GALNT8: variants seen among roughly 807,000 people sequenced by gnomAD.
The protein encoded by GALNT8 is polypeptide N-acetylgalactosaminyltransferase 8.
A neutral mutation model predicts 62.7 loss-of-function variants in GALNT8; 66 were observed. The observed-to-expected ratio is 1.05, with a 90% CI of 0.86 to 1.29. GALNT8 has a LOEUF of 1.29. Among genes scored for constraint, GALNT8 ranks in the 50% most tolerant of loss-of-function variants. The pLI is 0.00. For missense variants in GALNT8, 771 were observed against 791.8 expected (o/e 0.97, Z 0.32); for synonymous variants, 288 against 294.3 (o/e 0.98, Z 0.22).
chr12:4,743,132 T>G (rs899246234), intron 3 of GALNT8, among the ~76,000 whole-genome samples: 3 of 152,216 alleles, frequency 2.0e-5, no homozygotes, highest in Non-Finnish European at 2.9e-5. Flanking sequence ...ATTACAGGCA[T>G]GAGCCACCAT....
intron 2 of GALNT8, among the ~76,000 whole-genome samples, chr12:4,733,892 G>A (rs968479975): frequency 4.6e-5 from 7 of 152,168 alleles, no homozygotes; most frequent in African/African-American, 1.7e-4. Flanking sequence ...GGAATTCCAT[G>A]GGGTGACTCA....
chr12:4,762,366 T>TA (rs1195641165), intron 7 of GALNT8, among the ~76,000 whole-genome samples: 1 of 152,238 alleles, frequency 6.6e-6, no homozygotes, highest in Non-Finnish European at 1.5e-5. Flanking sequence ...AGAGGGCAGA[T>TA]ACACAAGTGG....
At chr12:4,725,732 T>C (rs1293681515) in intron 1 of GALNT8, among the ~76,000 whole-genome samples, 1 of 151,936 alleles carries the variant, frequency 6.6e-6, no homozygotes, top group East Asian at 1.9e-4. Context: ...ATTTTTGTAT[T>C]TTTAGTAGAG....
chr12:4,764,138 G>A lies in GALNT8; in HGVS notation c.1593+91G>A, dbSNP rs931059121. The A allele has an allele frequency of 3.8e-6, 3 of 787,136 alleles. 1 individual carries two copies. Among genetic ancestry groups the A allele is most frequent in the South Asian group, 2.7e-5 (2 of 73,510 alleles). 48.8% of individuals were successfully genotyped at this position (787,136 alleles called of 1,614,324 possible). ...TTGCTGGGTCTGGACTCCGTGATAC[G>A]TGATGGGGAGGCAGGAGCGGAGCAT... On this transcript the variant is annotated intron_variant, in intron 9 of 10. Transcript: ENST00000252318.
At chr12:4,734,379 C>T (rs1946235104) in intron 2 of GALNT8, among the ~76,000 whole-genome samples, 1 of 152,160 alleles carries the variant, frequency 6.6e-6, no homozygotes, top group African/African-American at 2.4e-5. Flanking sequence ...CCCGCTCAGA[C>T]CTACTGATGA....
Position 4,739,186 on chromosome 12 carries a change from C to T in GALNT8, c.533C>T (p.Ser178Phe), listed in dbSNP as rs764151230. Residue 178 changes from serine to phenylalanine, a missense_variant, in exon 3 of 11, where the codon TCC (serine) becomes TTC (phenylalanine). Physicochemically the swap from Ser to Phe is radical, Grantham distance 155 (BLOSUM62 -2). Coordinates refer to ENST00000252318, the MANE Select transcript of GALNT8 (RefSeq NM_017417.2). ...AGATGTCTTCGGAAGACATATCCTT[C>T]CCAACTCCCATCCCTCAGTGTCATT... ...DYRCLRKTYP[S>F]QLPSLSVILI... The T allele has an allele frequency of 3.1e-6, 5 of 1,612,242 alleles. No individual in the cohort carries two copies. In the East Asian group the frequency reaches 1.1e-4, roughly 36 times the overall value.
At chr12:4,737,974 T>C (rs1056337978) in intron 2 of GALNT8, among the ~76,000 whole-genome samples, 3 of 152,206 alleles carry the variant, frequency 2.0e-5, no homozygotes, top group African/African-American at 4.8e-5. Flanking sequence ...TATACTGTTA[T>C]AGCTGCACAA....
chr12:4,747,756 T>C (rs1172442367), intron 6 of GALNT8, among the ~76,000 whole-genome samples: 1 of 152,198 alleles, frequency 6.6e-6, no homozygotes, highest in Non-Finnish European at 1.5e-5. Context: ...CTGGATCATA[T>C]GGTAGCTCTA....
At chr12:4,729,098 G>A (rs1326949643) in intron 2 of GALNT8, among the ~76,000 whole-genome samples, 1 of 151,678 alleles carries the variant, frequency 6.6e-6, no homozygotes, top group Non-Finnish European at 1.5e-5. Context: ...TTTATTCCTA[G>A]GTATTTGTCT....
rs1946259216 is a variant in GALNT8 at position 4,739,162 on chromosome 12, G to GAGATATCT, written c.510_511insGATATCTA (p.Cys171AspfsTer23). 6.3e-7 allele frequency: 1 copy of GAGATATCT among 1,591,818 alleles called. No individual in the cohort carries two copies. Among genetic ancestry groups the GAGATATCT allele is most frequent in the Admixed American group, 1.7e-5 (1 of 59,022 alleles). ...TATGTTATAAAAATGGTCTCTTATA[G>GAGATATCT]ATGTCTTCGGAAGACATATCCTTCC... is the stretch of plus-strand genomic sequence containing the variant. On this transcript the variant is annotated frameshift_variant and splice_region_variant. Transcript: ENST00000252318. LOFTEE classifies it high-confidence loss of function.
intron 8 of GALNT8, 142 bp from the exon 9 acceptor site, chr12:4,763,810 G>T (rs1565389938): frequency 1.1e-5 from 7 of 641,608 alleles, no homozygotes; most frequent in Non-Finnish European, 2.0e-5. Flanking sequence ...GAAAATGCCT[G>T]CCGGGATCCC....
chr12:4,754,699 C>T (rs1946336737), intron 6 of GALNT8, among the ~76,000 whole-genome samples: 2 of 152,036 alleles, frequency 1.3e-5, no homozygotes, highest in South Asian at 2.1e-4. Context: ...CACCTGTGGC[C>T]GAGCTGGTAC....
intron 2 of GALNT8, among the ~76,000 whole-genome samples, chr12:4,736,431 A>T (rs1946245095): frequency 6.6e-6 from 1 of 152,130 alleles, no homozygotes. Context: ...GTGGGTCAAA[A>T]CGTAAACTCC....
rs755494737 is a variant in GALNT8, at chr12:4,761,140, C to T, written c.1356C>T (p.Leu452=). Residue 452 remains leucine (L), a synonymous_variant, in exon 7 of 11, where the codon CTC becomes CTT. Coordinates refer to ENST00000252318, the MANE Select transcript of GALNT8 (RefSeq NM_017417.2). ...TCTACTTGGCCTGGAACATACCTCT[C>T]CAGGTGAGTCATGGAATTGAACAGC... is the stretch of plus-strand genomic sequence containing the variant. ...HMVYLAWNIP[L]QNSGIDFGDV... is the part of the protein sequence containing the mutation. 6.8e-6 allele frequency: 11 copies of T among 1,612,390 alleles called. No individual in the cohort carries two copies. The East Asian group carries it at 2.0e-4, about 29-fold the overall frequency.
chr12:4,737,952 C>T (rs1016857971), intron 2 of GALNT8, among the ~76,000 whole-genome samples: 1 of 152,180 alleles, frequency 6.6e-6, no homozygotes, highest in African/African-American at 2.4e-5. Context: ...TTATAAGTTA[C>T]CCAGTCTCAG....
rs552277363 is a variant in GALNT8, at chr12:4,723,465, C to T, written c.211+2577C>T. 3.9e-5 allele frequency among the ~76,000 whole-genome samples: 6 copies of T among 152,298 alleles called. No individual in the cohort carries two copies. In the South Asian group the frequency reaches 1.0e-3, roughly 26 times the overall value. On this transcript the variant is annotated intron_variant, in intron 1 of 10. Transcript: ENST00000252318. ...CAGACCACACCAGGACTGTCTCACC[C>T]ATCCCCAAGGCTCATCACACTGGCT...
chr12:4,737,099 T>C (rs966626592), intron 2 of GALNT8, among the ~76,000 whole-genome samples: 16 of 152,214 alleles, frequency 1.1e-4, no homozygotes, highest in African/African-American at 3.9e-4. Flanking sequence ...GACTTTCATT[T>C]TCTGGTCTGG....
chr12:4,752,223 T>C (rs2137536041), intron 6 of GALNT8, among the ~76,000 whole-genome samples: 1 of 152,222 alleles, frequency 6.6e-6, no homozygotes, highest in East Asian at 1.9e-4. Context: ...TATGTCTTGA[T>C]TGGAGAGTTA....
At chr12:4,729,759 T>G (rs1320791126) in intron 2 of GALNT8, among the ~76,000 whole-genome samples, 2 of 152,198 alleles carry the variant, frequency 1.3e-5, no homozygotes, top group Admixed American at 6.5e-5. Flanking sequence ...ATAGGATTGC[T>G]AGATCATACA....
Sources: gnomAD v4.1 joint callset for allele counts (sites outside exome capture counted in the v4.1 genomes callset) on GRCh38, gnomAD v4.1.1 for gene constraint, MANE v1.5 for transcripts, NCBI Gene and HGNC (gene_info 2026-07-23, HGNC 2026-07-21) for gene names.